The following APOBR variants were observed in gnomAD, a reference collection of about 807,000 sequenced individuals.
APOBR encodes the protein apolipoprotein B receptor.
In APOBR, 57 loss-of-function variants were observed where a neutral mutation model predicts 88.5. The ratio of observed to expected loss-of-function variants is 0.64; its 90% CI spans 0.52 to 0.80. The LOEUF (loss-of-function observed/expected upper bound fraction) is 0.80. Ranked by LOEUF, APOBR falls within the 30% of genes least tolerant of loss-of-function variation. The pLI is 0.00. For missense variants in APOBR, 1,443 were observed against 1,401.6 expected (o/e 1.03, Z -0.47); for synonymous variants, 588 against 572.7 (o/e 1.03, Z -0.38).
At position 28,496,436 on chromosome 16, in the gene APOBR, G is replaced by A; in HGVS notation, c.1395G>A (p.Leu465=). ...AGAGCTTTGAGGGCCAGGTAGACCT[G>A]CGTGGTAAGGAGGCTGAGATGAGGC... is the stretch of plus-strand genomic sequence containing the variant. ...AGESFEGQVD[L]RGKEAEMRQD... is the part of the protein sequence containing the mutation. The change falls in exon 2 of 4, where the codon CTG becomes CTA. Residue 465 remains leucine (L), a synonymous_variant. Transcript: ENST00000564831. 1 of 1,612,414 alleles carries A rather than the reference G, an allele frequency of 6.2e-7. No homozygotes were observed. Among genetic ancestry groups the A allele is most frequent in the East Asian group, 2.2e-5 (1 of 44,814 alleles).
rs1366399774 is a variant in APOBR at position 28,498,848 on chromosome 16, C to T, written c.*343C>T. On this transcript the variant is annotated 3_prime_UTR_variant, in exon 4 of 4. Transcript: ENST00000564831. ...CTGTCACCCCAGAGCTTTGGGAGGC[C>T]AAGGTGGGAGGATCGCTTGAGACCA... The T allele has an allele frequency of 3.5e-6, 2 of 576,040 alleles. No homozygotes were observed. The highest frequency in any genetic ancestry group is 3.6e-5 in the East Asian group (1 of 27,754). The allele number at this position is 576,040 out of a possible 1,614,324, so 35.7% of individuals were successfully genotyped here.
chr16:28,494,800 C>A (rs2046377055), intron 1 of APOBR, 62 bp downstream of exon 1: 3 of 1,506,704 alleles, frequency 2.0e-6, no homozygotes, highest in African/African-American at 1.4e-5. Context: ...CACTTCCGGG[C>A]ACCTCCCCTG....
rs759853396 is a variant in APOBR, at chr16:28,497,393, G to A, written c.2352G>A (p.Gly784=). 6.8e-6 allele frequency: 11 copies of A among 1,612,870 alleles called. No individual in the cohort carries two copies. The highest frequency in any genetic ancestry group is 2.7e-5 in the African/African-American group (2 of 75,028). ...SAAGAGEALE[G]VLGQGWDSKE... is the part of the protein sequence containing the mutation. ...CTGGCGCTGGTGAAGCTTTGGAAGG[G>A]GTGCTTGGGCAAGGCTGGGACTCGA... The change falls in exon 2 of 4, where the codon GGG becomes GGA. Residue 784 remains glycine (G), a synonymous_variant. Coordinates refer to ENST00000564831, the MANE Select transcript of APOBR (RefSeq NM_018690.4).
chr16:28,497,817 G>A lies in APOBR; in HGVS notation c.2776G>A (p.Gly926Arg), dbSNP rs774901408. 29 of 1,606,378 alleles carry A rather than the reference G, an allele frequency of 1.8e-5. No individual in the cohort carries two copies. The highest frequency in any genetic ancestry group is 1.2e-4 in the South Asian group (11 of 89,950). ...LLDAEGLMVTGGRRAEAKETE... is the reference protein window; with the variant it reads ...LLDAEGLMVTRGRRAEAKETE... ...TGATGCAGAGGGTCTCATGGTGACC[G>A]GGGGCCGGAGGGCAGAGGCCAAGGA... The change falls in exon 2 of 4, where the codon GGG becomes AGG. Residue 926 changes from glycine (G) to arginine (R), a missense_variant. Transcript: ENST00000564831.
At position 28,496,208 on chromosome 16, in the gene APOBR, A is replaced by C; in HGVS notation, c.1167A>C (p.Thr389=). The part of the protein sequence containing the change: ...EEADLLGVRQ[T]EYGAVPGERL... ...CTGACCTGCTGGGAGTCAGACAGAC[A>C]GAATATGGAGCAGTCCCAGGAGAAA... The change falls in exon 2 of 4, where the codon ACA becomes ACC. Residue 389 remains threonine (T), a synonymous_variant. Transcript: ENST00000564831. 1.3e-6 allele frequency: 2 copies of C among 1,584,090 alleles called. No homozygotes were observed. Among genetic ancestry groups the C allele is most frequent in the Non-Finnish European group, 8.6e-7 (1 of 1,167,030 alleles).
At position 28,498,612 on chromosome 16, in the gene APOBR, C is replaced by A; in HGVS notation, c.*107C>A. 1 of 1,265,798 alleles carries A rather than the reference C, an allele frequency of 7.9e-7. No homozygotes were observed. Among genetic ancestry groups the A allele is most frequent in the Non-Finnish European group, 1.1e-6 (1 of 922,574 alleles). 78.4% of individuals were successfully genotyped at this position (1,265,798 alleles called of 1,614,324 possible). Reference sequence around the variant, plus strand: ...GCCACTGTGGACACATCCTCTCCACCCTCTGGGCCTCAGTGTCTTGATGTA... The same window carrying A: ...GCCACTGTGGACACATCCTCTCCACACTCTGGGCCTCAGTGTCTTGATGTA... On this transcript the variant is annotated 3_prime_UTR_variant, in exon 4 of 4. Transcript: ENST00000564831.
At position 28,496,286 on chromosome 16, in the gene APOBR, G is replaced by A; in HGVS notation, c.1245G>A (p.Glu415=). Residue 415 remains glutamate, a synonymous_variant, in exon 2 of 4, where the codon GAG becomes GAA. Coordinates refer to ENST00000564831, the MANE Select transcript of APOBR (RefSeq NM_018690.4). ...KVWVLEEEGD[E]EREAEVSPFP... ...GGGTCCTAGAGGAGGAGGGGGATGA[G>A]GAGAGAGAGGCTGAGGTGAGCCCTT... 1 of 1,597,892 alleles carries A rather than the reference G, an allele frequency of 6.3e-7. No individual in the cohort carries two copies. Among genetic ancestry groups the A allele is most frequent in the Non-Finnish European group, 8.5e-7 (1 of 1,172,844 alleles).
chr16:28,495,742 G>T lies in APOBR; in HGVS notation c.701G>T (p.Gly234Val). 1 of 1,540,248 alleles carries T rather than the reference G, an allele frequency of 6.5e-7. No homozygotes were observed. Reference sequence around the variant, plus strand: ...CAGGGGGTCAGGGAGGCAGATGCAGGGGAAACTGAGGAGCCTGGGGCCGAA... The same window carrying T: ...CAGGGGGTCAGGGAGGCAGATGCAGTGGAAACTGAGGAGCCTGGGGCCGAA... ...MEQGVREADA[G>V]ETEEPGAEGA... The change falls in exon 2 of 4, where the codon GGG becomes GTG. Residue 234 changes from glycine (G) to valine (V), a missense_variant. Physicochemically the swap from Gly to Val is moderately radical, Grantham distance 109. Transcript: ENST00000564831.
In APOBR at chr16:28,498,668, T is replaced by C. The variant is rs900294778; in HGVS notation, c.*163T>C. On this transcript the variant is annotated 3_prime_UTR_variant, in exon 4 of 4. Coordinates refer to ENST00000564831, the MANE Select transcript of APOBR (RefSeq NM_018690.4). ...CATGGAGCAGGCAAAACCAGACGTCTGGGAAGACCGTGAACTTAAGGAGTC... is the reference window on the plus strand; with the variant it reads ...CATGGAGCAGGCAAAACCAGACGTCCGGGAAGACCGTGAACTTAAGGAGTC... The C allele has an allele frequency of 1.2e-6, 1 of 811,872 alleles. No homozygotes were observed. 50.3% of individuals were successfully genotyped at this position (811,872 alleles called of 1,614,324 possible). A position where few individuals can be genotyped will look rare whatever the true frequency, so the allele number is the denominator to read the frequency against.
In APOBR at chr16:28,496,269, G is replaced by A. The variant is rs750134608; in HGVS notation, c.1228G>A (p.Glu410Lys). The change falls in exon 2 of 4, where the codon GAG becomes AAG. Residue 410 changes from glutamate (E) to lysine (K), a missense_variant. Physicochemically the swap from Glu to Lys is moderately conservative, Grantham distance 56. Coordinates refer to ENST00000564831, the MANE Select transcript of APOBR (RefSeq NM_018690.4). Reference protein sequence around the residue: ...LEATGKVWVLEEEGDEEREAE... With the variant: ...LEATGKVWVLKEEGDEEREAE... Reference sequence around the variant, plus strand: ...GGCTACTGGAAAAGTCTGGGTCCTAGAGGAGGAGGGGGATGAGGAGAGAGA... The same window carrying A: ...GGCTACTGGAAAAGTCTGGGTCCTAAAGGAGGAGGGGGATGAGGAGAGAGA... 6.2e-7 allele frequency: 1 copy of A among 1,603,862 alleles called. No homozygotes were observed. The highest frequency in any genetic ancestry group is 2.2e-5 in the East Asian group (1 of 44,810).
In APOBR at chr16:28,498,582, C is replaced by A; in HGVS notation, c.*77C>A. The A allele has an allele frequency of 6.8e-7, 1 of 1,478,400 alleles. No individual in the cohort carries two copies. The highest frequency in any genetic ancestry group is 1.2e-5 in the South Asian group (1 of 81,018). 91.6% of individuals were successfully genotyped at this position (1,478,400 alleles called of 1,614,324 possible). On this transcript the variant is annotated 3_prime_UTR_variant, in exon 4 of 4. Coordinates refer to ENST00000564831, the MANE Select transcript of APOBR (RefSeq NM_018690.4). Reference sequence around the variant, plus strand: ...GCTCCAATGCCACTGAGCCCTGCTCCCTCTGCCACTGTGGACACATCCTCT... The same window carrying A: ...GCTCCAATGCCACTGAGCCCTGCTCACTCTGCCACTGTGGACACATCCTCT...
In APOBR at chr16:28,496,348, C is replaced by G. The variant is rs1373757294; in HGVS notation, c.1307C>G (p.Thr436Arg). The change falls in exon 2 of 4, where the codon ACA becomes AGA. Residue 436 changes from threonine to arginine, a missense_variant. Transcript: ENST00000564831. ...CCCCAGGTCCTGGGCACTGAAAGAACAGAAGAGGCTGCTGAGAGCCAGACC... is the reference window on the plus strand; with the variant it reads ...CCCCAGGTCCTGGGCACTGAAAGAAGAGAAGAGGCTGCTGAGAGCCAGACC... The part of the protein sequence containing the change: ...KQPQVLGTER[T>R]EEAAESQTAG... 3.8e-6 allele frequency: 6 copies of G among 1,591,148 alleles called. No homozygotes were observed. The Admixed American group carries it at 8.9e-5, about 24-fold the overall frequency.
rs767446275 is a variant in APOBR, at chr16:28,498,207, G to GAGCCCCC, written c.3091_3097dup (p.Asn1033SerfsTer6). 19 of 1,606,168 alleles carry GAGCCCCC rather than the reference G, an allele frequency of 1.2e-5. No homozygotes were observed. In the Admixed American group the frequency reaches 3.2e-4, roughly 27 times the overall value. On this transcript the variant is annotated frameshift_variant, in exon 3 of 4. Coordinates refer to ENST00000564831, the MANE Select transcript of APOBR (RefSeq NM_018690.4). LOFTEE classifies it high-confidence loss of function. Reference sequence around the variant, plus strand: ...GACTCCGGCCTGGGAGCAGCAGGAGGAGCCCCCAGCCCCCAACCCTCCTGA... The same window carrying GAGCCCCC: ...GACTCCGGCCTGGGAGCAGCAGGAGGAGCCCCCAGCCCCCAGCCCCCAACCCTCCTGA...
chr16:28,497,036 C>T lies in APOBR; in HGVS notation c.1995C>T (p.Asp665=), dbSNP rs1382505543. 1.3e-6 allele frequency: 2 copies of T among 1,584,436 alleles called. No individual in the cohort carries two copies. The highest frequency in any genetic ancestry group is 1.7e-6 in the Non-Finnish European group (2 of 1,166,092). ...GQTLAAEAEG[D]RESELSEVPE... ...CCCTGGCGGCTGAGGCTGAAGGAGA[C>T]CGAGAGTCTGAACTATCAGAAGTCC... Residue 665 remains aspartate, a synonymous_variant, in exon 2 of 4, where the codon GAC becomes GAT. Transcript: ENST00000564831.
chr16:28,498,342 G>A lies in APOBR; in HGVS notation c.3217G>A (p.Gly1073Arg), dbSNP rs769746854. 2 of 1,597,194 alleles carry A rather than the reference G, an allele frequency of 1.3e-6. No individual in the cohort carries two copies. Among genetic ancestry groups the A allele is most frequent in the South Asian group, 1.1e-5 (1 of 89,100 alleles). ...TPVPARRRPL[G>R]HGFGLAHPGM... ...GGTGCCAGCCAGGAGAAGGCCCCTGGGACACGGGTAGGCACAGGGCAACTC... is the reference window on the plus strand; with the variant it reads ...GGTGCCAGCCAGGAGAAGGCCCCTGAGACACGGGTAGGCACAGGGCAACTC... The change falls in exon 3 of 4, where the codon GGA (glycine) becomes AGA (arginine). Residue 1073 changes from glycine to arginine, a missense_variant. Coordinates refer to ENST00000564831, the MANE Select transcript of APOBR (RefSeq NM_018690.4).
intron 2 of APOBR, 29 bp from the exon 3 acceptor site, chr16:28,498,052 C>T (rs2141734165): frequency 6.5e-7 from 1 of 1,546,316 alleles, no homozygotes; most frequent in Non-Finnish European, 8.7e-7. Context: ...AAGCCGGCCC[C>T]ATGGTCCTCT....
In APOBR at chr16:28,495,599, G is replaced by C. The variant is rs1242242542; in HGVS notation, c.558G>C (p.Arg186Ser). ...AGGAGGAGGAGGAGGAAGAGGTCAG[G>C]GCAAGAGAGCCAGGGATGGCCAGAG... is the stretch of plus-strand genomic sequence containing the variant. Reference protein sequence around the residue: ...WEQEEEEEEVRAREPGMARGA... With the variant: ...WEQEEEEEEVSAREPGMARGA... The change falls in exon 2 of 4, where the codon AGG (arginine) becomes AGC (serine). Residue 186 changes from arginine to serine, a missense_variant. Coordinates refer to ENST00000564831, the MANE Select transcript of APOBR (RefSeq NM_018690.4). 1 of 1,561,854 alleles carries C rather than the reference G, an allele frequency of 6.4e-7. No homozygotes were observed. The highest frequency in any genetic ancestry group is 8.7e-7 in the Non-Finnish European group (1 of 1,152,892).
At position 28,497,564 on chromosome 16, in the gene APOBR, A is replaced by G; in HGVS notation, c.2523A>G (p.Val841=). The G allele has an allele frequency of 1.9e-6, 3 of 1,605,298 alleles. No individual in the cohort carries two copies. In the South Asian group the frequency reaches 3.3e-5, roughly 18 times the overall value. ...AGGGAGGACCTTGGGGAGGGCGGGT[A>G]GAGGCCGAGGAATCTGCAGGCGCAG... is the stretch of plus-strand genomic sequence containing the variant. The part of the protein sequence containing the change: ...SREGGPWGGR[V]EAEESAGAED... Residue 841 remains valine (V), a synonymous_variant, in exon 2 of 4, where the codon GTA becomes GTG. Coordinates refer to ENST00000564831, the MANE Select transcript of APOBR (RefSeq NM_018690.4).
Position 28,498,607 on chromosome 16 carries a change from TC to T in APOBR, c.*104del. 7.5e-7 allele frequency: 1 copy of T among 1,329,740 alleles called. No homozygotes were observed. Among genetic ancestry groups the T allele is most frequent in the Non-Finnish European group, 1.0e-6 (1 of 975,234 alleles). 82.4% of individuals were successfully genotyped at this position (1,329,740 alleles called of 1,614,324 possible). A position where few individuals can be genotyped will look rare whatever the true frequency, so the allele number is the denominator to read the frequency against. ...CCTCTGCCACTGTGGACACATCCTC[TC>T]CACCCTCTGGGCCTCAGTGTCTTGA... On this transcript the variant is annotated 3_prime_UTR_variant, in exon 4 of 4. Coordinates refer to ENST00000564831, the MANE Select transcript of APOBR (RefSeq NM_018690.4).
Sources: allele counts gnomAD v4.1 joint callset, GRCh38; gene constraint gnomAD v4.1.1; transcripts MANE v1.5; gene names NCBI Gene and HGNC (gene_info 2026-07-23, HGNC 2026-07-21).